The following ERCC8 variants were observed in gnomAD, a reference collection of about 807,000 sequenced individuals.
ERCC8 encodes ERCC excision repair 8, CSA ubiquitin ligase complex subunit.
A neutral mutation model predicts 54.9 loss-of-function variants in ERCC8; 52 were observed. That is an observed-to-expected ratio of 0.95 (90% confidence interval 0.76 to 1.19). ERCC8 has a LOEUF of 1.19. Ranked by LOEUF, ERCC8 falls within the 50% of genes most tolerant of loss-of-function variation. The pLI, the probability that ERCC8 is intolerant of heterozygous loss-of-function variation, is 0.00. For synonymous variants in ERCC8, 146 were observed against 157.2 expected, an observed-to-expected ratio of 0.93 and a Z score of 0.53; for missense variants, 514 against 466.1, an observed-to-expected ratio of 1.10 and a Z score of -0.95.
chr5:60,933,216 C>CTTTTTTTTTTTTTTTT (rs143139297), intron 1 of ERCC8, among the ~76,000 whole-genome samples: 1 of 89,490 alleles, frequency 1.1e-5, no homozygotes, highest in Non-Finnish European at 2.0e-5. Context: ...CCTTTTTTTT[C>CTTTTTTTTTTTTTTTT]TTTTTTTTTT....
At chr5:60,899,978 T>A (rs748157270) in intron 7 of ERCC8, among the ~76,000 whole-genome samples, 13 of 151,996 alleles carry the variant, frequency 8.6e-5, no homozygotes, top group African/African-American at 3.1e-4. Flanking sequence ...ATTTTGCTGC[T>A]TTTTATATTG....
At chr5:60,938,084 TA>T (rs1173239371) in intron 1 of ERCC8, among the ~76,000 whole-genome samples, 334 of 23,320 alleles carry the variant, frequency 0.014, 7 homozygotes, top group African/African-American at 0.035. Flanking sequence ...TATATATATA[TA>T]TTTTATTTTT....
At chr5:60,899,964 C>T (rs1350158618) in intron 7 of ERCC8, among the ~76,000 whole-genome samples, 1 of 151,214 alleles carries the variant, frequency 6.6e-6, no homozygotes, top group African/African-American at 2.4e-5. Context: ...ATAACAAGAA[C>T]AAAATTTTGC....
At chr5:60,888,403 A>G (rs1748456787) in intron 10 of ERCC8, among the ~76,000 whole-genome samples, 2 of 152,194 alleles carry the variant, frequency 1.3e-5, no homozygotes, top group South Asian at 2.1e-4. Context: ...GCAAAGATAT[A>G]TATGTTCAGT....
At chr5:60,886,664 T>C (rs1364137210) in intron 11 of ERCC8, among the ~76,000 whole-genome samples, 1 of 149,472 alleles carries the variant, frequency 6.7e-6, no homozygotes, top group Non-Finnish European at 1.5e-5. Flanking sequence ...ATCACGCCAC[T>C]GCACTCCAGC....
Position 60,880,590 on chromosome 5 carries a change from C to T in ERCC8, c.1123-5907G>A, listed in dbSNP as rs537184998. Among the ~76,000 whole-genome samples, 610 of 152,236 alleles carry T rather than the reference C, an allele frequency of 4.0e-3. 5 individuals carry two copies. The highest frequency in any genetic ancestry group is 0.014 in the African/African-American group (566 of 41,530). On this transcript the variant is annotated intron_variant, in intron 11 of 11. Transcript: ENST00000676185. Reference sequence around the variant, plus strand: ...TTTTTATTCTTTTTTCTCTAAACTTCTCTTCTCACTTCATTTCATTCATTT... The same window carrying T: ...TTTTTATTCTTTTTTCTCTAAACTTTTCTTCTCACTTCATTTCATTCATTT...
At chr5:60,892,886 G>T in intron 9 of ERCC8, 1 of 709,088 alleles carries the variant, frequency 1.4e-6, no homozygotes, top group Non-Finnish European at 2.6e-6. Context: ...TCCCAATATT[G>T]GGAAGGCCTA....
At position 60,942,326 on chromosome 5, in the gene ERCC8, T is replaced by C. The variant is rs543690877; in HGVS notation, c.77+2606A>G. 2.0e-5 allele frequency among the ~76,000 whole-genome samples: 3 copies of C among 152,242 alleles called. No homozygotes were observed. The South Asian group carries it at 6.2e-4, about 32-fold the overall frequency. ...CATTAACTTCAGAGAAATAAAAGCA[T>C]ATGTTCATACAATGACTCATACATG... On this transcript the variant is annotated intron_variant, in intron 1 of 11. Transcript: ENST00000676185.
At chr5:60,909,242 T>C (rs1263482026) in intron 4 of ERCC8, among the ~76,000 whole-genome samples, 25 of 23,556 alleles carry the variant, frequency 1.1e-3, no homozygotes, top group African/African-American at 6.5e-3. Flanking sequence ...TGCCCTATTC[T>C]GAAAAAAAAA....
chr5:60,890,955 T>C lies in ERCC8; in HGVS notation c.975A>G (p.Glu325=), dbSNP rs1337614108. 1 of 1,613,504 alleles carries C rather than the reference T, an allele frequency of 6.2e-7. No individual in the cohort carries two copies. Among genetic ancestry groups the C allele is most frequent in the Non-Finnish European group, 8.5e-7 (1 of 1,179,696 alleles). ...TIAVYTVYSG[E]QITMLKGHYK... Reference sequence around the variant, plus strand: ...AATGTCCCTTAAGCATAGTTATCTGTTCTCCTGAGTAAACTGTATAAACAG... The same window carrying C: ...AATGTCCCTTAAGCATAGTTATCTGCTCTCCTGAGTAAACTGTATAAACAG... The change falls in exon 10 of 12, where the codon GAA becomes GAG. Residue 325 remains glutamate (E), a synonymous_variant. Transcript: ENST00000676185.
intron 10 of ERCC8, among the ~76,000 whole-genome samples, chr5:60,890,481 C>T (rs979704236): frequency 1.3e-5 from 2 of 152,148 alleles, no homozygotes; most frequent in Non-Finnish European, 2.9e-5. Context: ...CCTCCCTTTA[C>T]TAGCCATTGG....
Position 60,922,107 on chromosome 5 carries a change from C to A in ERCC8, c.222G>T (p.Glu74Asp). The change falls in exon 3 of 12, where the codon GAG becomes GAT. Residue 74 changes from glutamate (E) to aspartate (D), a missense_variant. By Grantham distance (45) the Glu-to-Asp change is conservative. Transcript: ENST00000676185. ...SDGVIVLYDLENSSRQSYYTC... is the reference protein window; with the variant it reads ...SDGVIVLYDLDNSSRQSYYTC... ...TGTAATAAGATTGTCTGCTGGAGTT[C>A]TCAAGGTCATAAAGTACAATCACAC... is the stretch of plus-strand genomic sequence containing the variant. 1 of 1,610,568 alleles carries A rather than the reference C, an allele frequency of 6.2e-7. No homozygotes were observed. Among genetic ancestry groups the A allele is most frequent in the East Asian group, 2.2e-5 (1 of 44,726 alleles).
intron 4 of ERCC8, among the ~76,000 whole-genome samples, chr5:60,909,060 A>G (rs1172325602): frequency 6.6e-6 from 1 of 152,010 alleles, no homozygotes; most frequent in Non-Finnish European, 1.5e-5. Flanking sequence ...ATTGAATGCC[A>G]GATAAAGATG....
At chr5:60,893,587 C>T (rs769901024) in intron 9 of ERCC8, 9 of 649,558 alleles carry the variant, frequency 1.4e-5, no homozygotes, top group Admixed American at 2.4e-5. Flanking sequence ...TCATGATCAG[C>T]TTGAAAGCAG....
rs1489472445 is a variant in ERCC8 at position 60,867,211 on chromosome 5, A to C, written c.*7404T>G. On this transcript the variant is annotated 3_prime_UTR_variant, in exon 12 of 12. Transcript: ENST00000676185. ...GTATATGTTTCCTTGGTAGTGACCT[A>C]AGACAGACTCAGGACTTTTGATTTC... Among the ~76,000 whole-genome samples, 3 of 152,178 alleles carry C rather than the reference A, an allele frequency of 2.0e-5. No individual in the cohort carries two copies. The highest frequency in any genetic ancestry group is 2.9e-5 in the Non-Finnish European group (2 of 68,042).
In ERCC8 at chr5:60,904,845, G is replaced by C. The variant is rs1219133479; in HGVS notation, c.428C>G (p.Thr143Arg). Residue 143 changes from threonine to arginine, a missense_variant, in exon 5 of 12, where the codon ACA becomes AGA. Coordinates refer to ENST00000676185, the MANE Select transcript of ERCC8 (RefSeq NM_000082.4). ...TGGAGACATATGATGACTATAAACT[G>C]TTTCCTCAAAATTAAATACATCTGC... ...QTADVFNFEE[T>R]VYSHHMSPVS... is the part of the protein sequence containing the mutation. The C allele has an allele frequency of 2.5e-6, 4 of 1,587,436 alleles. No individual in the cohort carries two copies. The African/African-American group carries it at 5.4e-5, about 21-fold the overall frequency.
intron 3 of ERCC8, among the ~76,000 whole-genome samples, chr5:60,919,894 G>A (rs370342799): frequency 2.6e-5 from 4 of 152,062 alleles, no homozygotes; most frequent in Admixed American, 1.3e-4. Context: ...AGGTGTATAC[G>A]CATGCTGGAC....
intron 4 of ERCC8, chr5:60,917,990 A>ATT (rs1486492191): frequency 4.8e-6 from 2 of 416,598 alleles, no homozygotes; most frequent in Admixed American, 7.0e-5. Flanking sequence ...TACTTTACAT[A>ATT]TTTTGGCTCA....
chr5:60,921,030 G>C (rs977085373), intron 3 of ERCC8, among the ~76,000 whole-genome samples: 1 of 151,784 alleles, frequency 6.6e-6, no homozygotes, highest in African/African-American at 2.4e-5. Flanking sequence ...AAGTATTCCT[G>C]TAAGTACATT....
Sources: allele counts gnomAD v4.1 joint callset (sites outside exome capture counted in the v4.1 genomes callset), GRCh38; gene constraint gnomAD v4.1.1; transcripts MANE v1.5; gene names NCBI Gene and HGNC (gene_info 2026-07-23, HGNC 2026-07-21).